FANCD2OS: variants seen among roughly 807,000 people sequenced by gnomAD.
FANCD2OS encodes FANCD2 opposite strand, also known as FANCD2 opposite strand protein.
A neutral mutation model predicts 13.2 loss-of-function variants in FANCD2OS; 11 were observed. The observed-to-expected ratio is 0.83, with a 90% CI of 0.52 to 1.38. The LOEUF is 1.38. FANCD2OS is among the 40% of genes most tolerant of loss of function. The pLI, the probability that FANCD2OS is intolerant of heterozygous loss-of-function variation, is 0.00. For synonymous variants in FANCD2OS, 69 were observed against 84.5 expected (o/e 0.82, Z 1.01); for missense variants, 217 against 213.9 (o/e 1.01, Z -0.09).
At chr3:10,101,960 AT>A, downstream of FANCD2OS, 1 of 177,730 alleles carries the variant, frequency 5.6e-6, no homozygotes, top group Non-Finnish European at 1.2e-5. Context: ...ATCTTTCTGG[AT>A]TTGCTTCATT....
intron 2 of FANCD2OS, among the ~76,000 whole-genome samples, chr3:10,097,407 C>G (rs1003668836): frequency 6.6e-6 from 1 of 152,134 alleles, no homozygotes; most frequent in African/African-American, 2.4e-5. Flanking sequence ...CCGGGGGGGC[C>G]CAGTTCAGAG....
rs372395223 is a variant in FANCD2OS at position 10,104,286 on chromosome 3, A to G, written c.489T>C (p.Tyr163=). The stretch of plus-strand genomic sequence containing the variant: ...CAAAGGTGCACTTTTTGTAAGTTGC[A>G]TACAGCAAGAGGATAGAGCGCAGCA... ...KQMLRSILLL[Y]ATYKKCTFAL... The change falls in exon 2 of 2, where the codon TAT becomes TAC. Residue 163 remains tyrosine (Y), a synonymous_variant. Coordinates refer to ENST00000450660, the MANE Select transcript of FANCD2OS (RefSeq NM_001164839.2). The G allele has an allele frequency of 8.7e-6, 14 of 1,613,368 alleles. No individual in the cohort carries two copies. The highest frequency in any genetic ancestry group is 1.2e-5 in the Non-Finnish European group (14 of 1,179,746).
Position 10,096,343 on chromosome 3 carries a change from A to G in FANCD2OS, c.*43+7855T>C, listed in dbSNP as rs1336906399. On this transcript the variant is annotated intron_variant, in intron 2 of 2. Transcript: ENST00000524279. ...CCATTCAGATTCACCAGGACACGAG[A>G]CTCACCCAACATGTGCCTCTGCTCA... The G allele has an allele frequency of 1.2e-6, 2 of 1,613,930 alleles. No individual in the cohort carries two copies. The highest frequency in any genetic ancestry group is 1.7e-6 in the Non-Finnish European group (2 of 1,180,006).
chr3:10,096,339 C>G, intron 2 of FANCD2OS: 5 of 1,614,026 alleles, frequency 3.1e-6, no homozygotes, highest in African/African-American at 1.3e-5. Flanking sequence ...CACCAGGACA[C>G]GAGACTCACC....
intron 1 of FANCD2OS, among the ~76,000 whole-genome samples, chr3:10,105,212 C>T (rs1461029004): frequency 6.6e-6 from 1 of 152,192 alleles, no homozygotes; most frequent in Non-Finnish European, 1.5e-5. Context: ...GATCTGGCAA[C>T]TGCTATGTGT....
chr3:10,105,817 TATA>T (rs1358012335), intron 1 of FANCD2OS, among the ~76,000 whole-genome samples: 12 of 80,912 alleles, frequency 1.5e-4, no homozygotes, highest in East Asian at 3.1e-4. Flanking sequence ...TATATATATA[TATA>T]TTTTGAGGTT....
At chr3:10,090,440 C>A in intron 2 of FANCD2OS, 1 of 552,956 alleles carries the variant, frequency 1.8e-6, no homozygotes, top group Non-Finnish European at 3.0e-6. Flanking sequence ...TTGGAAGTTG[C>A]TGATTTTTTT....
chr3:10,107,568 G>A (rs1392926604), intron 1 of FANCD2OS, among the ~76,000 whole-genome samples: 1 of 151,928 alleles, frequency 6.6e-6, no homozygotes, highest in Non-Finnish European at 1.5e-5. Context: ...TTACAGGCGT[G>A]AGCCACCGGG....
rs1695416756 is a variant in FANCD2OS at position 10,104,576 on chromosome 3, C to T, written c.199G>A (p.Gly67Arg). ...LVLDSPFLES[G>R]VSPKLPCHTS... Reference sequence around the variant, plus strand: ...TGGCAGGGTAACTTGGGACTCACTCCAGATTCCAGGAATGGGCTGTCTAGG... The same window carrying T: ...TGGCAGGGTAACTTGGGACTCACTCTAGATTCCAGGAATGGGCTGTCTAGG... Residue 67 changes from glycine to arginine, a missense_variant, in exon 2 of 2, where the codon GGA (glycine) becomes AGA (arginine). Coordinates refer to ENST00000450660, the MANE Select transcript of FANCD2OS (RefSeq NM_001164839.2). 1 of 1,614,084 alleles carries T rather than the reference C, an allele frequency of 6.2e-7. No homozygotes were observed. The highest frequency in any genetic ancestry group is 1.3e-5 in the African/African-American group (1 of 74,930).
At chr3:10,087,105 A>C in intron 2 of FANCD2OS, 1 of 1,613,290 alleles carries the variant, frequency 6.2e-7, no homozygotes. Context: ...ATACTATTGC[A>C]TTTGTTTGTT....
intron 2 of FANCD2OS, chr3:10,096,222 C>A: frequency 8.3e-7 from 1 of 1,211,536 alleles, no homozygotes; most frequent in Non-Finnish European, 1.2e-6. Flanking sequence ...TTGGCCCATA[C>A]TGGCAGGGCT....
At chr3:10,101,139 C>A, downstream of FANCD2OS, 2 of 1,403,906 alleles carry the variant, frequency 1.4e-6, no homozygotes, top group Non-Finnish European at 2.0e-6. Flanking sequence ...CCAGAGGTCA[C>A]CCAGAGCAGT....
At chr3:10,103,816 T>G (rs1575890008), downstream of FANCD2OS, 1 of 158,914 alleles carries the variant, frequency 6.3e-6, no homozygotes, top group Non-Finnish European at 1.4e-5. Flanking sequence ...TCGGGGGAGG[T>G]TTTAAAGTAA....
chr3:10,084,346 T>TAACAC (rs1694047504), intron 2 of FANCD2OS, among the ~76,000 whole-genome samples: 2 of 150,080 alleles, frequency 1.3e-5, no homozygotes, highest in Non-Finnish European at 3.0e-5. Flanking sequence ...GGCTGGAGTG[T>TAACAC]AGTAACACAA....
chr3:10,098,717 T>C, downstream of FANCD2OS: 2 of 1,614,120 alleles, frequency 1.2e-6, no homozygotes, highest in Non-Finnish European at 1.7e-6. Context: ...CATTCACATT[T>C]AGGGTGAAGA....
chr3:10,097,974 T>A (rs955297532), downstream of FANCD2OS, among the ~76,000 whole-genome samples: 1 of 144,042 alleles, frequency 6.9e-6, no homozygotes, highest in South Asian at 2.1e-4. Context: ...TTTTAACTAA[T>A]GAGCATTTAT....
chr3:10,104,188 A>G lies in FANCD2OS; in HGVS notation c.*53T>C, dbSNP rs1465374267. 1.4e-6 allele frequency: 2 copies of G among 1,459,108 alleles called. No homozygotes were observed. The highest frequency in any genetic ancestry group is 1.9e-6 in the Non-Finnish European group (2 of 1,077,864). The allele number at this position is 1,459,108 out of a possible 1,614,324, so 90.4% of individuals were successfully genotyped here. On this transcript the variant is annotated 3_prime_UTR_variant, in exon 2 of 2. Transcript: ENST00000450660. ...ACATGGACAGGTTTCTGTAAGCTTT[A>G]GGTACATACCAAAGGGCATGGTGTG...
intron 2 of FANCD2OS, chr3:10,095,118 G>A: frequency 8.4e-7 from 1 of 1,189,256 alleles, no homozygotes; most frequent in Non-Finnish European, 1.2e-6. Context: ...ATCCTCTTTG[G>A]AGCTTTTGAT....
intron 2 of FANCD2OS, among the ~76,000 whole-genome samples, chr3:10,082,592 A>G (rs1315750808): frequency 2.0e-5 from 3 of 152,064 alleles, no homozygotes; most frequent in Non-Finnish European, 2.9e-5. Context: ...TGAGCACCCT[A>G]TATAGCTTTT....
Sources: allele counts gnomAD v4.1 joint callset (sites outside exome capture counted in the v4.1 genomes callset), GRCh38; gene constraint gnomAD v4.1.1; transcripts MANE v1.5; gene names NCBI Gene and HGNC (gene_info 2026-07-23, HGNC 2026-07-21).